ANKRD62: variants seen among roughly 807,000 people sequenced by gnomAD.
ANKRD62 encodes ankyrin repeat domain-containing protein 62.
A neutral mutation model predicts 98.8 loss-of-function variants in ANKRD62; 61 were observed. The observed-to-expected ratio is 0.62, with a 90% CI of 0.50 to 0.76. The LOEUF (loss-of-function observed/expected upper bound fraction) is 0.76. Among genes scored for constraint, ANKRD62 ranks in the 30% least tolerant of loss-of-function variants. The pLI is 0.00. For missense variants in ANKRD62, 933 were observed against 1,082.9 expected (o/e 0.86, Z 1.94); for synonymous variants, 341 against 367.9 (o/e 0.93, Z 0.84).
At position 12,094,045 on chromosome 18, in the gene ANKRD62, G is replaced by A. The variant is rs1474403309; in HGVS notation, c.28G>A (p.Ala10Thr). The A allele has an allele frequency of 3.3e-6, 5 of 1,535,284 alleles. No homozygotes were observed. The highest frequency in any genetic ancestry group is 3.5e-6 in the Non-Finnish European group (4 of 1,146,788). MEVRGSFLA[A>T]CRRRMATWRK... Reference sequence around the variant, plus strand: ...GGAGGTCAGGGGGTCGTTCCTGGCGGCCTGCAGGAGACGCATGGCTACCTG... The same window carrying A: ...GGAGGTCAGGGGGTCGTTCCTGGCGACCTGCAGGAGACGCATGGCTACCTG... Residue 10 changes from alanine (A) to threonine (T), a missense_variant, in exon 1 of 14, where the codon GCC becomes ACC. Coordinates refer to ENST00000587848, the MANE Select transcript of ANKRD62 (RefSeq NM_001277333.2).
chr18:12,119,827 C>T (rs998340739), intron 10 of ANKRD62, among the ~76,000 whole-genome samples: 2 of 151,934 alleles, frequency 1.3e-5, no homozygotes, highest in African/African-American at 4.8e-5. Flanking sequence ...CTAATATTGA[C>T]ATTTAGTGCT....
At position 12,102,676 on chromosome 18, in the gene ANKRD62, G is replaced by C. The variant is rs970705426; in HGVS notation, c.821-482G>C. ...AAATGAAATTTGTCAGAATAGTAGAGGAAGACATTTCAGATATAATGAACG... is the reference window on the plus strand; with the variant it reads ...AAATGAAATTTGTCAGAATAGTAGACGAAGACATTTCAGATATAATGAACG... On this transcript the variant is annotated intron_variant, in intron 6 of 13. Coordinates refer to ENST00000587848, the MANE Select transcript of ANKRD62 (RefSeq NM_001277333.2). 2.2e-5 allele frequency: 22 copies of C among 1,005,678 alleles called. No homozygotes were observed. The African/African-American group carries it at 2.8e-4, about 13-fold the overall frequency. The allele number at this position is 1,005,678 out of a possible 1,614,324, so 62.3% of individuals were successfully genotyped here.
rs75679781 is a variant in ANKRD62 at position 12,102,903 on chromosome 18, T to G, written c.821-255T>G. 6 of 562,354 alleles carry G rather than the reference T, an allele frequency of 1.1e-5. No homozygotes were observed. The East Asian group carries it at 2.9e-4, about 27-fold the overall frequency. The allele number at this position is 562,354 out of a possible 1,614,324, so 34.8% of individuals were successfully genotyped here. ...ATTTATATTGTTGGGTGGATTCATT[T>G]GTGAGCGAATCTTTGAGATGTTGGT... On this transcript the variant is annotated intron_variant, in intron 6 of 13. Coordinates refer to ENST00000587848, the MANE Select transcript of ANKRD62 (RefSeq NM_001277333.2).
chr18:12,106,784 C>T (rs543743697), intron 7 of ANKRD62, among the ~76,000 whole-genome samples: 4 of 151,958 alleles, frequency 2.6e-5, no homozygotes, highest in Non-Finnish European at 5.9e-5. Context: ...TTTCAGTATC[C>T]TAGGATCCAA....
rs1427870675 is a variant in ANKRD62 at position 12,125,846 on chromosome 18, A to G, written c.2025A>G (p.Arg675=). The part of the protein sequence containing the change: ...CDHDQRQSSK[R]DLQLAFQSTV... ...ATGATCAACGTCAGTCATCAAAAAGAGACCTACAGCTTGCTTTCCAGAGCA... is the reference window on the plus strand; with the variant it reads ...ATGATCAACGTCAGTCATCAAAAAGGGACCTACAGCTTGCTTTCCAGAGCA... Residue 675 remains arginine, a synonymous_variant, in exon 13 of 14, where the codon AGA becomes AGG. Transcript: ENST00000587848. The G allele has an allele frequency of 1.3e-6, 2 of 1,548,810 alleles. No homozygotes were observed. Among genetic ancestry groups the G allele is most frequent in the East Asian group, 2.4e-5 (1 of 41,074 alleles).
the ANKRD62 span, among the ~76,000 whole-genome samples, chr18:12,164,798 A>G: frequency 2.0e-5 from 3 of 151,882 alleles, no homozygotes; most frequent in South Asian, 2.1e-4. Context: ...TATTAGGTCC[A>G]TTTATTTTGT....
At chr18:12,115,229 G>A in intron 9 of ANKRD62, 108 bp downstream of exon 9, 4 of 1,290,108 alleles carry the variant, frequency 3.1e-6, no homozygotes, top group Non-Finnish European at 4.1e-6. Flanking sequence ...TGATAAAGCA[G>A]CGGTAACCAT....
At chr18:12,151,709 A>G in the ANKRD62 span, among the ~76,000 whole-genome samples, 1 of 152,172 alleles carries the variant, frequency 6.6e-6, no homozygotes, top group African/African-American at 2.4e-5. Flanking sequence ...AGAAATAACC[A>G]ACGTCAGAGC....
In ANKRD62 at chr18:12,096,197, A is replaced by G. The variant is rs1208522956; in HGVS notation, c.509A>G (p.Asp170Gly). Reference protein sequence around the residue: ...YGADIEARSQDGHTSLLLAVN... With the variant: ...YGADIEARSQGGHTSLLLAVN... ...TAAATTGTTTTTGCTGTTTTGCAGG[A>G]TGGACATACATCACTTTTACTCGCT... Residue 170 changes from aspartate to glycine, a missense_variant and splice_region_variant, in exon 4 of 14, where the codon GAT becomes GGT. Coordinates refer to ENST00000587848, the MANE Select transcript of ANKRD62 (RefSeq NM_001277333.2). 6.6e-7 allele frequency: 1 copy of G among 1,523,538 alleles called. No individual in the cohort carries two copies. The highest frequency in any genetic ancestry group is 8.8e-7 in the Non-Finnish European group (1 of 1,138,148). The allele number at this position is 1,523,538 out of a possible 1,614,324, so 94.4% of individuals were successfully genotyped here.
chr18:12,126,238 A>G lies in ANKRD62; in HGVS notation c.2417A>G (p.Asn806Ser). 6.5e-7 allele frequency: 1 copy of G among 1,536,094 alleles called. No homozygotes were observed. The highest frequency in any genetic ancestry group is 1.2e-5 in the South Asian group (1 of 84,058). Residue 806 changes from asparagine to serine, a missense_variant, in exon 13 of 14, where the codon AAT (asparagine) becomes AGT (serine). Transcript: ENST00000587848. ...GACAATCAGGAGAAAACAATAATTA[A>G]TATCCAAGTCAAATGTGAAGATACT... ...KADNQEKTII[N>S]IQVKCEDTVE... is the part of the protein sequence containing the mutation.
At chr18:12,110,365 A>G (rs1317959265) in intron 8 of ANKRD62, among the ~76,000 whole-genome samples, 1 of 152,216 alleles carries the variant, frequency 6.6e-6, no homozygotes, top group Non-Finnish European at 1.5e-5. Context: ...GAGCAAAATG[A>G]TAATCACTTT....
At chr18:12,158,571 G>T in the ANKRD62 span, among the ~76,000 whole-genome samples, 1 of 151,802 alleles carries the variant, frequency 6.6e-6, no homozygotes, top group African/African-American at 2.4e-5. Flanking sequence ...TGTCGCCCTG[G>T]CTGGAGTGCA....
chr18:12,172,292 C>T, the ANKRD62 span, among the ~76,000 whole-genome samples: 11 of 152,198 alleles, frequency 7.2e-5, no homozygotes, highest in South Asian at 2.1e-4. Context: ...CTTTGGTGTT[C>T]GATGATGGTG....
At chr18:12,171,329 C>T in the ANKRD62 span, among the ~76,000 whole-genome samples, 2 of 152,296 alleles carry the variant, frequency 1.3e-5, no homozygotes, top group South Asian at 4.1e-4. Context: ...GTAAGGCAGG[C>T]CTGGTAGTGA....
intron 10 of ANKRD62, among the ~76,000 whole-genome samples, chr18:12,121,574 T>C (rs1316068167): frequency 1.3e-5 from 2 of 152,178 alleles, no homozygotes; most frequent in African/African-American, 4.8e-5. Flanking sequence ...TCTCCAGTGT[T>C]CTGTCCTGTG....
chr18:12,113,098 T>C (rs1909582729), intron 8 of ANKRD62, among the ~76,000 whole-genome samples: 1 of 152,116 alleles, frequency 6.6e-6, no homozygotes, highest in African/African-American at 2.4e-5. Flanking sequence ...TTTTGCCGTG[T>C]TGGTCAGGCT....
Position 12,099,694 on chromosome 18 carries a change from G to T in ANKRD62, c.820+12G>T. On this transcript the variant is annotated intron_variant, in intron 6 of 13. Transcript: ENST00000587848. ...AAATAGCAATTCAGGTATGACTTCT[G>T]ATAGTGAATTCCTCTCGATGGTCCT... The T allele has an allele frequency of 7.0e-7, 1 of 1,419,332 alleles. No homozygotes were observed. The highest frequency in any genetic ancestry group is 1.5e-5 in the South Asian group (1 of 66,304). The allele number at this position is 1,419,332 out of a possible 1,614,324, so 87.9% of individuals were successfully genotyped here.
the ANKRD62 span, among the ~76,000 whole-genome samples, chr18:12,164,355 G>A: frequency 1.3e-4 from 19 of 151,234 alleles, no homozygotes; most frequent in South Asian, 4.2e-4. Context: ...CTTTTTTTTC[G>A]TCTCTGATTT....
chr18:12,107,564 C>A, intron 8 of ANKRD62, 97 bp downstream of exon 8: 1 of 993,082 alleles, frequency 1.0e-6, no homozygotes, highest in Non-Finnish European at 1.3e-6. Flanking sequence ...AAATTTTATA[C>A]TTTTATGAGG....
Sources: gnomAD v4.1 joint callset for allele counts (sites outside exome capture counted in the v4.1 genomes callset) on GRCh38, gnomAD v4.1.1 for gene constraint, MANE v1.5 for transcripts, NCBI Gene and HGNC (gene_info 2026-07-23, HGNC 2026-07-21) for gene names.